Variants in THSD7B observed in about 807,000 individuals in gnomAD.
The protein encoded by THSD7B is thrombospondin type-1 domain-containing protein 7B.
In THSD7B, 138 loss-of-function variants were observed where a neutral mutation model predicts 213.6. That is an observed-to-expected ratio of 0.65 (90% CI 0.56 to 0.74). The LOEUF (loss-of-function observed/expected upper bound fraction) is 0.74. Ranked by LOEUF, THSD7B falls within the 30% of genes least tolerant of loss-of-function variation. The probability of loss-of-function intolerance (pLI) is 0.00; values close to 1 mark genes in which losing one functional copy is unlikely to be tolerated. For missense variants in THSD7B, 1,931 were observed against 1,991.5 expected (o/e 0.97, Z 0.58); for synonymous variants, 742 against 687.0 (o/e 1.08, Z -1.25).
chr2:137,061,446 A>T (rs1687269016), intron 3 of THSD7B, among the ~76,000 whole-genome samples: 1 of 150,968 alleles, frequency 6.6e-6, no homozygotes, highest in Non-Finnish European at 1.5e-5. Flanking sequence ...TTGTACTGGG[A>T]AAGAAATCTA....
intron 21 of THSD7B, among the ~76,000 whole-genome samples, chr2:137,654,238 C>T (rs891977780): frequency 5.9e-5 from 9 of 152,068 alleles, no homozygotes; most frequent in African/African-American, 2.2e-4. Flanking sequence ...AGGGGATATC[C>T]CAATAGTGTG....
intron 15 of THSD7B, among the ~76,000 whole-genome samples, chr2:137,522,932 T>C (rs1415848310): frequency 6.6e-6 from 1 of 152,234 alleles, no homozygotes; most frequent in Non-Finnish European, 1.5e-5. Context: ...ATCTCATTCA[T>C]CTTTAAATAT....
intron 1 of THSD7B, among the ~76,000 whole-genome samples, chr2:136,768,262 AC>A (rs1681442985): frequency 6.6e-6 from 1 of 152,198 alleles, no homozygotes; most frequent in African/African-American, 2.4e-5. Context: ...TAAATGATAG[AC>A]CGAAAAAGCA....
At chr2:137,285,554 C>T (rs1056277877) in intron 12 of THSD7B, among the ~76,000 whole-genome samples, 1 of 148,812 alleles carries the variant, frequency 6.7e-6, no homozygotes, top group Non-Finnish European at 1.5e-5. Context: ...TTGTTGCTTT[C>T]CATGTTTAGT....
chr2:136,912,953 G>A (rs530065957), intron 2 of THSD7B, among the ~76,000 whole-genome samples: 1 of 152,322 alleles, frequency 6.6e-6, no homozygotes, highest in Non-Finnish European at 1.5e-5. Context: ...ATGTGGAAGC[G>A]ACTTTGGAAC....
chr2:137,668,455 A>G (rs561565496), intron 27 of THSD7B, among the ~76,000 whole-genome samples: 52 of 152,150 alleles, frequency 3.4e-4, no homozygotes, highest in African/African-American at 1.1e-3. Flanking sequence ...GCAAAAAAAA[A>G]AAACCATTTT....
chr2:137,452,078 CTT>C (rs1199015344), intron 15 of THSD7B: 1 of 940,684 alleles, frequency 1.1e-6, no homozygotes, highest in Non-Finnish European at 1.3e-6. Flanking sequence ...AGACCAATCT[CTT>C]TAGCTATTTT....
At chr2:137,008,171 T>C (rs1367405823) in intron 2 of THSD7B, among the ~76,000 whole-genome samples, 1 of 152,108 alleles carries the variant, frequency 6.6e-6, no homozygotes, top group African/African-American at 2.4e-5. Context: ...AAAATTTCCA[T>C]TTGCAACAGA....
rs1018529868 is a variant in THSD7B, at chr2:136,816,096, G to C, written c.-36+50409G>C. On this transcript the variant is annotated intron_variant, in intron 1 of 27. Transcript: ENST00000409968. The stretch of plus-strand genomic sequence containing the variant: ...GATGAGGTTTCACCATGTTGCCCAG[G>C]CTAGTCTCAAACTCCTGAGCTCAGA... Among the ~76,000 whole-genome samples, 19 of 152,248 alleles carry C rather than the reference G, an allele frequency of 1.2e-4. 1 individual carries two copies. Among genetic ancestry groups the C allele is most frequent in the African/African-American group, 4.6e-4 (19 of 41,542 alleles).
At chr2:137,173,223 T>C (rs542739652) in intron 7 of THSD7B, among the ~76,000 whole-genome samples, 1 of 152,342 alleles carries the variant, frequency 6.6e-6, no homozygotes, top group Admixed American at 6.5e-5. Flanking sequence ...TACCCGGTCC[T>C]GAAGAATTGG....
intron 2 of THSD7B, among the ~76,000 whole-genome samples, chr2:137,019,413 C>A (rs1179403514): frequency 6.6e-6 from 1 of 152,216 alleles, no homozygotes; most frequent in African/African-American, 2.4e-5. Flanking sequence ...CTGTCAGTTA[C>A]CACGGAATAA....
rs78114369 is a variant in THSD7B at position 137,639,728 on chromosome 2, G to A, written c.3800-2760G>A. On this transcript the variant is annotated intron_variant, in intron 20 of 27. Transcript: ENST00000409968. ...TCAGTGTGACCTGAAAGTGAGACCT[G>A]GAGTCATAGGAGATCATTTTGGAGC... Among the ~76,000 whole-genome samples, 1,055 of 152,268 alleles carry A rather than the reference G, an allele frequency of 6.9e-3. 11 individuals carry two copies. Among genetic ancestry groups the A allele is most frequent in the African/African-American group, 0.024 (1,013 of 41,548 alleles).
chr2:137,270,084 G>T (rs1309938703), intron 10 of THSD7B, among the ~76,000 whole-genome samples: 1 of 152,212 alleles, frequency 6.6e-6, no homozygotes, highest in Admixed American at 6.5e-5. Flanking sequence ...TGGAATGAAA[G>T]AAAAGTATTT....
rs1432957890 is a variant in THSD7B, at chr2:137,570,729, CATCTTT to C, written c.3273-1667_3273-1662del. Among the ~76,000 whole-genome samples, 9 of 152,190 alleles carry C rather than the reference CATCTTT, an allele frequency of 5.9e-5. 1 individual carries two copies. Among genetic ancestry groups the C allele is most frequent in the Middle Eastern group, 6.8e-3 (2 of 292 alleles). On this transcript the variant is annotated intron_variant, in intron 16 of 27. Coordinates refer to ENST00000409968, the MANE Select transcript of THSD7B (RefSeq NM_001316349.2). Reference sequence around the variant, plus strand: ...TTTATTTCATCATCATTGCCATTTTCATCTTTATCTTTATCATTATCACTAGAACAA... The same window carrying C: ...TTTATTTCATCATCATTGCCATTTTCATCTTTATCATTATCACTAGAACAA...
intron 2 of THSD7B, among the ~76,000 whole-genome samples, chr2:136,960,905 C>T (rs969412231): frequency 1.1e-4 from 17 of 151,318 alleles, no homozygotes; most frequent in African/African-American, 3.6e-4. Flanking sequence ...CTGGCTAATA[C>T]GGTGAAACCT....
chr2:137,345,377 T>C (rs1684854314), intron 12 of THSD7B, among the ~76,000 whole-genome samples: 1 of 151,646 alleles, frequency 6.6e-6, no homozygotes, highest in Admixed American at 6.6e-5. Context: ...AGGAAAAAAA[T>C]AATTTATAAG....
intron 10 of THSD7B, among the ~76,000 whole-genome samples, chr2:137,252,911 C>CTTTTTTTTTT: frequency 1.2e-5 from 1 of 80,660 alleles, no homozygotes; most frequent in Non-Finnish European, 2.5e-5. Context: ...AAAAGGCTTG[C>CTTTTTTTTTT]TTTTTTTTTT....
chr2:137,196,330 C>G (rs1002602249), intron 7 of THSD7B, among the ~76,000 whole-genome samples: 2 of 150,148 alleles, frequency 1.3e-5, no homozygotes, highest in African/African-American at 4.9e-5. Flanking sequence ...ACACAATAAC[C>G]TTTTAATCAA....
chr2:137,158,668 T>C (rs2104982354), intron 5 of THSD7B, among the ~76,000 whole-genome samples: 1 of 152,310 alleles, frequency 6.6e-6, no homozygotes, highest in Non-Finnish European at 1.5e-5. Flanking sequence ...GTCATGATGG[T>C]ATTTTTTTAT....
Sources: allele counts gnomAD v4.1 joint callset (sites outside exome capture counted in the v4.1 genomes callset), GRCh38; gene constraint gnomAD v4.1.1; transcripts MANE v1.5; gene names NCBI Gene and HGNC (gene_info 2026-07-23, HGNC 2026-07-21).